The following IPO9 variants were observed in gnomAD, a reference collection of about 807,000 sequenced individuals.
The protein encoded by IPO9 is importin-9.
IPO9 carries 28 observed loss-of-function variants against 128.6 expected under a neutral mutation model. The ratio of observed to expected loss-of-function variants is 0.22; its 90% CI spans 0.16 to 0.30. The LOEUF (loss-of-function observed/expected upper bound fraction) is 0.30, where lower values mean the gene tolerates loss of function less well. IPO9 is among the 10% of genes least tolerant of loss of function. The pLI, the probability that IPO9 is intolerant of heterozygous loss-of-function variation, is 1.00. For synonymous variants in IPO9, 455 were observed against 475.8 expected, an observed-to-expected ratio of 0.96 and a Z score of 0.57; for missense variants, 935 against 1,293.9, an observed-to-expected ratio of 0.72 and a Z score of 4.26.
Position 201,870,235 on chromosome 1 carries a change from C to T in IPO9, c.2134-348C>T, listed in dbSNP as rs1318410557. 2.0e-5 allele frequency among the ~76,000 whole-genome samples: 3 copies of T among 152,134 alleles called. No individual in the cohort carries two copies. The East Asian group carries it at 5.8e-4, about 29-fold the overall frequency. ...GGTTTGTGTAAGACCTATATAAAGA[C>T]CTACAGTATCCCCAGTTATTCCAAG... On this transcript the variant is annotated intron_variant, in intron 17 of 23. Coordinates refer to ENST00000361565, the MANE Select transcript of IPO9 (RefSeq NM_018085.5). The surrounding 1 kb of genome is among the most constrained non-coding windows in gnomAD (Gnocchi z 4.9).
At chr1:201,848,933 A>T (rs2102875106) in intron 4 of IPO9, among the ~76,000 whole-genome samples, 1 of 152,246 alleles carries the variant, frequency 6.6e-6, no homozygotes, top group South Asian at 2.1e-4. Context: ...AATTAAGATG[A>T]TAGTAGTGTC....
At chr1:201,839,801 T>C (rs1363540388) in intron 1 of IPO9, among the ~76,000 whole-genome samples, 1 of 152,092 alleles carries the variant, frequency 6.6e-6, no homozygotes, top group Admixed American at 6.6e-5. Flanking sequence ...AAATATTTTA[T>C]TGATAAATTT....
At chr1:201,860,011 A>G (rs1680413241) in intron 13 of IPO9, among the ~76,000 whole-genome samples, 1 of 151,798 alleles carries the variant, frequency 6.6e-6, no homozygotes, top group African/African-American at 2.4e-5. Context: ...TCCGCAATAC[A>G]GAGCAGTAGC....
Position 201,874,846 on chromosome 1 carries a change from A to G in IPO9, c.2848A>G (p.Met950Val). ...AEWSQDDSND[M>V]WEDQEEEEEE... is the part of the protein sequence containing the mutation. ...TCTCCAAGTAGATGACTCCAATGAT[A>G]TGTGGGAGGACCAGGAGGAGGAAGA... Residue 950 changes from methionine to valine, a missense_variant, in exon 22 of 24, where the codon ATG becomes GTG. Physicochemically the swap from Met to Val is conservative, Grantham distance 21. Coordinates refer to ENST00000361565, the MANE Select transcript of IPO9 (RefSeq NM_018085.5). 6.2e-7 allele frequency: 1 copy of G among 1,611,556 alleles called. No individual in the cohort carries two copies. Among genetic ancestry groups the G allele is most frequent in the African/African-American group, 1.3e-5 (1 of 74,990 alleles).
chr1:201,874,187 AG>A, intron 20 of IPO9, 62 bp from the exon 21 acceptor site: 2 of 1,582,808 alleles, frequency 1.3e-6, no homozygotes, highest in African/African-American at 1.3e-5. Flanking sequence ...AGGAGAGGAC[AG>A]GGGTACTTCC....
At position 201,878,829 on chromosome 1, in the gene IPO9, A is replaced by G. The variant is rs1198897729; in HGVS notation, c.*2775A>G. On this transcript the variant is annotated 3_prime_UTR_variant, in exon 24 of 24. Coordinates refer to ENST00000361565, the MANE Select transcript of IPO9 (RefSeq NM_018085.5). ...ATCTGTTGGAGGCCAGTACATGTTG[A>G]CAGAAACTCTAGACCATATTTTGTC... The G allele has an allele frequency of 6.6e-6, 1 of 152,212 alleles. No individual in the cohort carries two copies. The highest frequency in any genetic ancestry group is 2.4e-5 in the African/African-American group (1 of 41,448). The allele number at this position is 152,212 out of a possible 1,614,324, so 9.4% of individuals were successfully genotyped here. A position where few individuals can be genotyped will look rare whatever the true frequency, so the allele number is the denominator to read the frequency against.
chr1:201,841,895 A>G (rs779730453), intron 1 of IPO9, among the ~76,000 whole-genome samples: 6 of 152,140 alleles, frequency 3.9e-5, no homozygotes, highest in Non-Finnish European at 8.8e-5. Flanking sequence ...AAAACAAACC[A>G]TTTTTCCTCT....
intron 1 of IPO9, among the ~76,000 whole-genome samples, chr1:201,842,440 G>A (rs1377551310): frequency 2.0e-5 from 3 of 152,096 alleles, no homozygotes; most frequent in Non-Finnish European, 4.4e-5. Flanking sequence ...CCCTGTCAGA[G>A]GGTGGGATGG....
At chr1:201,869,014 A>G (rs568309492) in intron 16 of IPO9, among the ~76,000 whole-genome samples, 33 of 152,264 alleles carry the variant, frequency 2.2e-4, no homozygotes, top group African/African-American at 7.9e-4. Flanking sequence ...GCACTTTGGG[A>G]GGCCGAGGTG....
rs1571563784 is a variant in IPO9 at position 201,883,423 on chromosome 1, C to T, written c.*7369C>T. ...CACGGGGCCTATGAGCGGTGAGACT[C>T]CTGCCCTGATTGTGGCAAAGCACCT... On this transcript the variant is annotated 3_prime_UTR_variant, in exon 24 of 24. Transcript: ENST00000361565. 1 of 152,294 alleles carries T rather than the reference C, an allele frequency of 6.6e-6. No individual in the cohort carries two copies. Among genetic ancestry groups the T allele is most frequent in the South Asian group, 2.1e-4 (1 of 4,820 alleles). The allele number at this position is 152,294 out of a possible 1,614,324, so 9.4% of individuals were successfully genotyped here. A position where few individuals can be genotyped will look rare whatever the true frequency, so the allele number is the denominator to read the frequency against.
At position 201,858,515 on chromosome 1, in the gene IPO9, A is replaced by G; in HGVS notation, c.1290A>G (p.Gln430=). 6.3e-7 allele frequency: 1 copy of G among 1,593,500 alleles called. No individual in the cohort carries two copies. Among genetic ancestry groups the G allele is most frequent in the Non-Finnish European group, 8.5e-7 (1 of 1,170,394 alleles). The change falls in exon 12 of 24, where the codon CAA becomes CAG. Residue 430 remains glutamine, a synonymous_variant. Coordinates refer to ENST00000361565, the MANE Select transcript of IPO9 (RefSeq NM_018085.5). ...ALAAAATRHL[Q]EAEQTKNSGT... ...CTGCTGCAGCCACTCGACATTTACA[A>G]GAAGCTGAGCAAACCAAAAACAGTG...
intron 1 of IPO9, among the ~76,000 whole-genome samples, chr1:201,845,071 C>T (rs897131110): frequency 2.0e-5 from 3 of 151,902 alleles, no homozygotes; most frequent in East Asian, 1.9e-4. Flanking sequence ...GGCTGGAGTG[C>T]AATGGCGCAA....
intron 9 of IPO9, among the ~76,000 whole-genome samples, 156 bp downstream of exon 9, chr1:201,855,338 G>A (rs1680311748): frequency 1.3e-5 from 2 of 152,184 alleles, no homozygotes; most frequent in South Asian, 4.1e-4. Flanking sequence ...GGGGAAATGA[G>A]AATTGACAAT....
rs189413207 is a variant in IPO9, at chr1:201,875,908, A to G, written c.3016-36A>G. The G allele has an allele frequency of 7.6e-5, 100 of 1,315,630 alleles. No individual in the cohort carries two copies. In the East Asian group the frequency reaches 1.2e-3, roughly 16 times the overall value. 81.5% of individuals were successfully genotyped at this position (1,315,630 alleles called of 1,614,324 possible). The stretch of plus-strand genomic sequence containing the variant: ...CTCCACTGCAAATGGGTGACTTGCA[A>G]TGTCTCACTAATGCCACTCTTGCTC... On this transcript the variant is annotated intron_variant, in intron 23 of 23. Transcript: ENST00000361565.
At chr1:201,851,179 CTTT>C (rs36020873) in intron 4 of IPO9, among the ~76,000 whole-genome samples, 2 of 133,498 alleles carry the variant, frequency 1.5e-5, no homozygotes, top group African/African-American at 2.8e-5. Flanking sequence ...CCACATGCAG[CTTT>C]TTTTTTTTTT....
chr1:201,861,037 G>A (rs1310523800), intron 13 of IPO9, among the ~76,000 whole-genome samples: 2 of 152,116 alleles, frequency 1.3e-5, no homozygotes, highest in African/African-American at 4.8e-5. Context: ...GTGGTGGCAC[G>A]CGTCTGTAAT....
In IPO9 at chr1:201,857,110, A is replaced by T. The variant is rs767487794; in HGVS notation, c.1137A>T (p.Thr379=). 1.4e-5 allele frequency: 22 copies of T among 1,609,460 alleles called. No homozygotes were observed. Among genetic ancestry groups the T allele is most frequent in the Non-Finnish European group, 1.8e-5 (21 of 1,175,824 alleles). The change falls in exon 11 of 24, where the codon ACA becomes ACT. Residue 379 remains threonine (T), a synonymous_variant. Transcript: ENST00000361565. Reference sequence around the variant, plus strand: ...GATCTTTTCAGATTAAAGTATGGACAGCCAACCCCCAACAATTTGTAGAAG... The same window carrying T: ...GATCTTTTCAGATTAAAGTATGGACTGCCAACCCCCAACAATTTGTAGAAG... ...QITEEQIKVW[T]ANPQQFVEDE...
At chr1:201,873,068 T>G in intron 20 of IPO9, 107 bp downstream of exon 20, 1 of 1,202,894 alleles carries the variant, frequency 8.3e-7, no homozygotes, top group Non-Finnish European at 1.1e-6. Flanking sequence ...AAACAATTGT[T>G]GGTGATGGGT....
rs763876238 is a variant in IPO9 at position 201,863,468 on chromosome 1, C to T, written c.1489C>T (p.Arg497Trp). 2 of 1,579,514 alleles carry T rather than the reference C, an allele frequency of 1.3e-6. No individual in the cohort carries two copies. Among genetic ancestry groups the T allele is most frequent in the Non-Finnish European group, 1.7e-6 (2 of 1,153,142 alleles). ...NLSVSPFLLG[R>W]ALWAASRFTV... ...CCCAGTGTCTCCTTTCCTCTTGGGC[C>T]GGGCACTTTGGGCTGCCAGTCGGTT... Residue 497 changes from arginine to tryptophan, a missense_variant, in exon 14 of 24, where the codon CGG (arginine) becomes TGG (tryptophan). By Grantham distance (101) the Arg-to-Trp change is moderately radical. Around this residue, in one of 3 missense-constraint regions of IPO9, gnomAD observed 741 missense variants for 1,019.1 expected, o/e 0.73. Transcript: ENST00000361565.
Sources: gnomAD v4.1 joint callset for allele counts (sites outside exome capture counted in the v4.1 genomes callset) on GRCh38, gnomAD v4.1.1 for gene constraint, gnomAD v4.1.1 regional missense constraint, Gnocchi (gnomAD v3.1) non-coding constraint, MANE v1.5 for transcripts, NCBI Gene and HGNC (gene_info 2026-07-23, HGNC 2026-07-21) for gene names.